The following PRRC1 variants were observed in gnomAD, a reference collection of about 807,000 sequenced individuals.
The protein encoded by PRRC1 is proline rich coiled-coil 1, also known as protein PRRC1.
PRRC1 carries 39 observed loss-of-function variants against 40.7 expected under a neutral mutation model. That is an observed-to-expected ratio of 0.96 (90% CI 0.74 to 1.25). The LOEUF (loss-of-function observed/expected upper bound fraction) is 1.25. Ranked by LOEUF, PRRC1 falls within the 50% of genes most tolerant of loss-of-function variation. The pLI is 0.00. For missense variants in PRRC1, 573 were observed against 548.3 expected (o/e 1.05, Z -0.45); for synonymous variants, 175 against 193.3 (o/e 0.91, Z 0.79).
intron 7 of PRRC1, among the ~76,000 whole-genome samples, chr5:127,543,257 G>T (rs557502202): frequency 0.02 from 3,033 of 152,156 alleles, 96 homozygotes; most frequent in African/African-American, 0.07. Flanking sequence ...TAGTCTCATG[G>T]GCTTCCCTTT....
intron 7 of PRRC1, among the ~76,000 whole-genome samples, chr5:127,545,781 T>TA (rs534086628): frequency 0.037 from 5,426 of 146,552 alleles, 319 homozygotes; most frequent in African/African-American, 0.13. Flanking sequence ...AAGTATAATT[T>TA]AAAAAAAAAA....
At position 127,526,712 on chromosome 5, in the gene PRRC1, A is replaced by G. The variant is rs775467385; in HGVS notation, c.588A>G (p.Gln196=). Residue 196 remains glutamine (Q), a synonymous_variant, in exon 4 of 9, where the codon CAA becomes CAG. Coordinates refer to ENST00000296666, the MANE Select transcript of PRRC1 (RefSeq NM_130809.5). ...CAGCCATTACTTTCCCAGAGGAGCA[A>G]GAAGACCCTAGAATTACTAGAGGTC... ...TTSAITFPEE[Q]EDPRITRGQD... 1.1e-5 allele frequency: 17 copies of G among 1,613,520 alleles called. No homozygotes were observed. The African/African-American group carries it at 1.9e-4, about 18-fold the overall frequency.
At chr5:127,544,091 A>T (rs1372292620) in intron 7 of PRRC1, among the ~76,000 whole-genome samples, 2 of 152,226 alleles carry the variant, frequency 1.3e-5, no homozygotes, top group African/African-American at 2.4e-5. Context: ...TCCTTCTAAC[A>T]GACAGGACCC....
At position 127,517,646 on chromosome 5, in the gene PRRC1, T is replaced by C. The variant is rs1767347772; in HGVS notation, c.-151T>C. On this transcript the variant is annotated 5_prime_UTR_variant, in exon 1 of 9. Transcript: ENST00000296666. ...GCATGCGCCGCCCGTGGCCATCTTG[T>C]AGGCGGGGACACGCCGAGGTAACTT... 1 of 151,394 alleles carries C rather than the reference T, an allele frequency of 6.6e-6. No individual in the cohort carries two copies. Among genetic ancestry groups the C allele is most frequent in the African/African-American group, 2.4e-5 (1 of 41,328 alleles). The allele number at this position is 151,394 out of a possible 1,614,324, so 9.4% of individuals were successfully genotyped here. A position where few individuals can be genotyped will look rare whatever the true frequency, so the allele number is the denominator to read the frequency against.
chr5:127,544,090 C>G (rs1768137821), intron 7 of PRRC1, among the ~76,000 whole-genome samples: 1 of 152,308 alleles, frequency 6.6e-6, no homozygotes, highest in East Asian at 1.9e-4. Context: ...TTCCTTCTAA[C>G]AGACAGGACC....
At chr5:127,535,195 A>G (rs1400294871) in intron 6 of PRRC1, among the ~76,000 whole-genome samples, 1 of 152,154 alleles carries the variant, frequency 6.6e-6, no homozygotes, top group African/African-American at 2.4e-5. Context: ...ACATACATGC[A>G]CATATTTTTG....
At chr5:127,546,661 A>T (rs562529619) in intron 7 of PRRC1, among the ~76,000 whole-genome samples, 1 of 152,294 alleles carries the variant, frequency 6.6e-6, no homozygotes, top group African/African-American at 2.4e-5. Flanking sequence ...CATAGAAAAA[A>T]CTTTCCTCAT....
intron 3 of PRRC1, among the ~76,000 whole-genome samples, chr5:127,525,391 A>G (rs1048215494): frequency 6.6e-6 from 1 of 152,216 alleles, no homozygotes; most frequent in African/African-American, 2.4e-5. Context: ...CCAGTTTATG[A>G]ATATGTATAC....
intron 8 of PRRC1, chr5:127,548,188 C>G (rs2127117553): frequency 1.9e-6 from 1 of 533,586 alleles, no homozygotes; most frequent in East Asian, 3.0e-5. Flanking sequence ...TTTGTTTTTA[C>G]TCTGAGTTCT....
intron 5 of PRRC1, among the ~76,000 whole-genome samples, chr5:127,530,746 CTT>C (rs34749591): frequency 4.9e-5 from 7 of 142,226 alleles, no homozygotes; most frequent in Non-Finnish European, 1.5e-5. Context: ...TTGTTTCATA[CTT>C]TTTTTTTTTT....
At position 127,533,681 on chromosome 5, in the gene PRRC1, T is replaced by G; in HGVS notation, c.816T>G (p.Ala272=). The change falls in exon 6 of 9, where the codon GCT becomes GCG. Residue 272 remains alanine (A), a synonymous_variant. Coordinates refer to ENST00000296666, the MANE Select transcript of PRRC1 (RefSeq NM_130809.5). ...CAAATAAAGAAGTAAAAGTTGCTGC[T>G]GTCCGAGATGCCTTCCAGGAGGTCT... ...VTSNKEVKVA[A]VRDAFQEVFG... 1 of 1,614,174 alleles carries G rather than the reference T, an allele frequency of 6.2e-7. No individual in the cohort carries two copies. Among genetic ancestry groups the G allele is most frequent in the South Asian group, 1.1e-5 (1 of 91,086 alleles).
intron 5 of PRRC1, among the ~76,000 whole-genome samples, chr5:127,532,613 ATTC>A (rs1309159888): frequency 3.3e-5 from 5 of 152,172 alleles, no homozygotes; most frequent in Non-Finnish European, 5.9e-5. Context: ...AAAAAAGTAT[ATTC>A]TTCTTCTCTT....
rs138177009 is a variant in PRRC1, at chr5:127,539,071, G to T, written c.953G>T (p.Arg318Leu). 1.2e-6 allele frequency: 2 copies of T among 1,612,844 alleles called. No homozygotes were observed. The highest frequency in any genetic ancestry group is 2.2e-5 in the East Asian group (1 of 44,856). Residue 318 changes from arginine (R) to leucine (L), a missense_variant, in exon 7 of 9, where the codon CGA becomes CTA. Coordinates refer to ENST00000296666, the MANE Select transcript of PRRC1 (RefSeq NM_130809.5). The stretch of plus-strand genomic sequence containing the variant: ...CAGGAACGGATAGATAGCTTGCGTC[G>T]AACTGGGGTGATCCATGAAAAACAG... ...GAQERIDSLR[R>L]TGVIHEKQTA...
rs1768485716 is a variant in PRRC1 at position 127,554,863 on chromosome 5, T to G, written c.*2947T>G. 1 of 152,606 alleles carries G rather than the reference T, an allele frequency of 6.6e-6. No individual in the cohort carries two copies. Among genetic ancestry groups the G allele is most frequent in the Admixed American group, 6.5e-5 (1 of 15,272 alleles). The allele number at this position is 152,606 out of a possible 1,614,324, so 9.5% of individuals were successfully genotyped here. On this transcript the variant is annotated 3_prime_UTR_variant, in exon 9 of 9. Coordinates refer to ENST00000296666, the MANE Select transcript of PRRC1 (RefSeq NM_130809.5). ...ATGCTGTTGAATCTACTCTGTTCCT[T>G]GGCTAGAAAAAATTATAAACAGGAC...
chr5:127,546,037 G>A (rs913690480), intron 7 of PRRC1, among the ~76,000 whole-genome samples: 1 of 151,926 alleles, frequency 6.6e-6, no homozygotes, highest in African/African-American at 2.4e-5. Flanking sequence ...CTTGCTTCTG[G>A]CCCATTTCTC....
At chr5:127,518,076 AGGACCAAGGCAG>A (rs1561676461) in intron 1 of PRRC1, 1 of 152,452 alleles carries the variant, frequency 6.6e-6, no homozygotes, top group African/African-American at 2.4e-5. Flanking sequence ...CTCCTGTCCA[AGGACCAAGGCAG>A]GAGCGCTCTG....
intron 5 of PRRC1, among the ~76,000 whole-genome samples, chr5:127,530,661 T>G (rs934097887): frequency 2.6e-5 from 4 of 152,136 alleles, no homozygotes; most frequent in Non-Finnish European, 5.9e-5. Flanking sequence ...TACTTGCTGA[T>G]TTTAATTTTA....
At chr5:127,530,857 T>A (rs1025925668) in intron 5 of PRRC1, among the ~76,000 whole-genome samples, 2 of 152,066 alleles carry the variant, frequency 1.3e-5, no homozygotes, top group Non-Finnish European at 1.5e-5. Context: ...ATCTAATGAC[T>A]GGGTATATTG....
At chr5:127,548,036 TC>T (rs1768274344) in intron 8 of PRRC1, 115 bp downstream of exon 8, 1 of 772,056 alleles carries the variant, frequency 1.3e-6, no homozygotes, top group African/African-American at 1.7e-5. Flanking sequence ...TTTGTTTCAG[TC>T]ATTTTTCTTT....
Sources: gnomAD v4.1 joint callset for allele counts (sites outside exome capture counted in the v4.1 genomes callset) on GRCh38, gnomAD v4.1.1 for gene constraint, MANE v1.5 for transcripts, NCBI Gene and HGNC (gene_info 2026-07-23, HGNC 2026-07-21) for gene names.